The following VMP1 variants were observed in gnomAD, a reference collection of about 807,000 sequenced individuals.
VMP1 encodes the protein vacuole membrane protein 1, also known as ectopic P-granules autophagy protein 3 homolog.
In VMP1, 11 loss-of-function variants were observed where a neutral mutation model predicts 56.0. The ratio of observed to expected loss-of-function variants is 0.20; its 90% CI spans 0.12 to 0.32. The LOEUF (loss-of-function observed/expected upper bound fraction) is 0.32. Among genes scored for constraint, VMP1 ranks in the 10% least tolerant of loss-of-function variants. The pLI is 1.00. For synonymous variants in VMP1, 149 were observed against 165.0 expected, an observed-to-expected ratio of 0.90 and a Z score of 0.74; for missense variants, 296 against 490.3, an observed-to-expected ratio of 0.60 and a Z score of 3.74.
At chr17:59,780,012 G>A (rs935458065) in intron 7 of VMP1, among the ~76,000 whole-genome samples, 4 of 151,946 alleles carry the variant, frequency 2.6e-5, no homozygotes, top group African/African-American at 4.8e-5. Flanking sequence ...TCTACTGTTG[G>A]GGTAATAATC....
chr17:59,808,979 T>C, intron 8 of VMP1, 103 bp downstream of exon 8: 1 of 936,186 alleles, frequency 1.1e-6, no homozygotes, highest in Non-Finnish European at 1.6e-6. Context: ...TTTTATTGGG[T>C]ATGTAATTTT....
chr17:59,818,429 A>G (rs558725515), intron 10 of VMP1, among the ~76,000 whole-genome samples: 6 of 152,114 alleles, frequency 3.9e-5, no homozygotes, highest in Admixed American at 3.9e-4. Flanking sequence ...TATTAACAAA[A>G]TTTGTCAGGT....
intron 10 of VMP1, among the ~76,000 whole-genome samples, chr17:59,832,958 G>A (rs950299923): frequency 2.6e-5 from 4 of 151,882 alleles, no homozygotes; most frequent in Non-Finnish European, 4.4e-5. Flanking sequence ...GCAAATTGGA[G>A]GACTTCCCCA....
intron 1 of VMP1, among the ~76,000 whole-genome samples, chr17:59,709,429 AG>A (rs2033821585): frequency 6.6e-6 from 1 of 152,248 alleles, no homozygotes; most frequent in South Asian, 2.1e-4. Context: ...AATGGCTGAT[AG>A]GTTACCTAAC....
At chr17:59,795,504 T>G (rs1395966757) in intron 7 of VMP1, among the ~76,000 whole-genome samples, 1 of 150,210 alleles carries the variant, frequency 6.7e-6, no homozygotes, top group African/African-American at 2.5e-5. Flanking sequence ...AACATGTTTC[T>G]TTTGTTTTTT....
rs926312992 is a variant in VMP1 at position 59,759,164 on chromosome 17, A to G, written c.415-5807A>G. Among the ~76,000 whole-genome samples, 5 of 152,340 alleles carry G rather than the reference A, an allele frequency of 3.3e-5. No homozygotes were observed. The South Asian group carries it at 6.2e-4, about 19-fold the overall frequency. On this transcript the variant is annotated intron_variant, in intron 5 of 11. Coordinates refer to ENST00000262291, the MANE Select transcript of VMP1 (RefSeq NM_030938.5). Reference sequence around the variant, plus strand: ...CCAGTTGGGTGGATCACCTGAGGTCAGGAGTTCAAAACCAGCCTGACCAAC... The same window carrying G: ...CCAGTTGGGTGGATCACCTGAGGTCGGGAGTTCAAAACCAGCCTGACCAAC...
intron 7 of VMP1, among the ~76,000 whole-genome samples, chr17:59,802,502 C>A (rs1285223351): frequency 6.6e-6 from 1 of 152,156 alleles, no homozygotes; most frequent in African/African-American, 2.4e-5. Context: ...GTAATTTAAA[C>A]TTCCATAACA....
intron 7 of VMP1, among the ~76,000 whole-genome samples, chr17:59,774,961 A>G (rs2036566392): frequency 7.7e-6 from 1 of 130,060 alleles, no homozygotes; most frequent in South Asian, 2.4e-4. Flanking sequence ...TTTTTTTTTG[A>G]GATGGAGTCT....
chr17:59,785,125 G>A (rs2036964059), intron 7 of VMP1: 1 of 152,198 alleles, frequency 6.6e-6, no homozygotes, highest in Admixed American at 6.5e-5. Flanking sequence ...GAGTCCGGGA[G>A]TGGTTGTGGT....
chr17:59,777,385 A>G (rs1266394241), intron 7 of VMP1, among the ~76,000 whole-genome samples: 7 of 151,754 alleles, frequency 4.6e-5, no homozygotes, highest in East Asian at 1.9e-4. Context: ...GCATTGTTCA[A>G]TTGTCTTCAA....
At chr17:59,831,978 G>A (rs1453176178) in intron 10 of VMP1, among the ~76,000 whole-genome samples, 1 of 151,686 alleles carries the variant, frequency 6.6e-6, no homozygotes, top group Non-Finnish European at 1.5e-5. Flanking sequence ...CCAACTCCTG[G>A]GCTCAAGAGA....
intron 4 of VMP1, among the ~76,000 whole-genome samples, chr17:59,738,121 G>T (rs920379726): frequency 6.6e-6 from 1 of 152,128 alleles, no homozygotes; most frequent in Non-Finnish European, 1.5e-5. Context: ...GCATGAATCC[G>T]TTAATCACTG....
chr17:59,754,200 T>A (rs1046285054), intron 5 of VMP1, among the ~76,000 whole-genome samples: 11 of 152,094 alleles, frequency 7.2e-5, no homozygotes, highest in Non-Finnish European at 1.0e-4. Context: ...ACAAAAAAAA[T>A]TATACATTTA....
chr17:59,838,100 C>CT (rs371074488), intron 10 of VMP1, 195 bp from the exon 11 acceptor site: 23,971 of 129,336 alleles, frequency 0.19, 2,371 homozygotes, highest in African/African-American at 0.21. Context: ...AGTAAATTTT[C>CT]TTTTTTTTTT....
intron 7 of VMP1, among the ~76,000 whole-genome samples, chr17:59,807,541 T>G (rs2144205878): frequency 6.6e-6 from 1 of 151,818 alleles, no homozygotes; most frequent in East Asian, 2.0e-4. Flanking sequence ...TTTTAGAAAG[T>G]TGAACTAAAG....
intron 7 of VMP1, among the ~76,000 whole-genome samples, chr17:59,786,540 T>G (rs535722254): frequency 1.5e-4 from 23 of 152,226 alleles, no homozygotes; most frequent in Non-Finnish European, 3.2e-4. Flanking sequence ...TTGAAGACTC[T>G]GGGTGTCAGT....
intron 5 of VMP1, among the ~76,000 whole-genome samples, chr17:59,754,812 A>G (rs775568080): frequency 4.6e-5 from 7 of 152,194 alleles, no homozygotes; most frequent in Admixed American, 4.6e-4. Context: ...AGAAGAAACC[A>G]AGGTCTTCAG....
chr17:59,838,526 G>T, intron 11 of VMP1, 129 bp downstream of exon 11: 1 of 890,488 alleles, frequency 1.1e-6, no homozygotes, highest in Middle Eastern at 2.2e-4. Context: ...CAGAAGTTGA[G>T]CGTCTGTGTA....
chr17:59,810,120 A>G (rs1417788065), intron 8 of VMP1, among the ~76,000 whole-genome samples: 1 of 152,040 alleles, frequency 6.6e-6, no homozygotes, highest in African/African-American at 2.4e-5. Flanking sequence ...GCTCAGGGCT[A>G]CTCTGATTTA....
Sources: allele counts gnomAD v4.1 joint callset (sites outside exome capture counted in the v4.1 genomes callset), GRCh38; gene constraint gnomAD v4.1.1; transcripts MANE v1.5; gene names NCBI Gene and HGNC (gene_info 2026-07-23, HGNC 2026-07-21).